Variants in CSMD3 observed in about 807,000 individuals in gnomAD.
CSMD3 encodes the protein CUB and sushi domain-containing protein 3.
A neutral mutation model predicts 435.2 loss-of-function variants in CSMD3; 177 were observed. That is an observed-to-expected ratio of 0.41 (90% CI 0.36 to 0.46). The LOEUF (loss-of-function observed/expected upper bound fraction) is 0.46, where lower values mean the gene tolerates loss of function less well. Among genes scored for constraint, CSMD3 ranks in the 20% least tolerant of loss-of-function variants. The probability of loss-of-function intolerance (pLI) is 0.34; values close to 1 mark genes in which losing one functional copy is unlikely to be tolerated. For synonymous variants in CSMD3, 1,656 were observed against 1,520.5 expected, an observed-to-expected ratio of 1.09 and a Z score of -2.07; for missense variants, 4,265 against 4,504.6, an observed-to-expected ratio of 0.95 and a Z score of 1.52.
intron 32 of CSMD3, among the ~76,000 whole-genome samples, chr8:112,409,680 A>G (rs1283962123): frequency 6.6e-6 from 1 of 152,012 alleles, no homozygotes; most frequent in East Asian, 1.9e-4. Context: ...TTGCTCTTCC[A>G]TGGTAAGTAC....
At chr8:113,383,791 T>A (rs931628175) in intron 1 of CSMD3, among the ~76,000 whole-genome samples, 1 of 152,186 alleles carries the variant, frequency 6.6e-6, no homozygotes, top group African/African-American at 2.4e-5. Context: ...CTCCTGTGTT[T>A]TATTATCAGT....
In CSMD3 at chr8:113,269,793, A is replaced by G. The variant is rs1001584369; in HGVS notation, c.514+8799T>C. 1.1e-4 allele frequency among the ~76,000 whole-genome samples: 17 copies of G among 152,192 alleles called. 1 individual carries two copies. In the East Asian group the frequency reaches 2.5e-3, roughly 22 times the overall value. Reference sequence around the variant, plus strand: ...AGCTGAAACTGGATCCCTTCCTTACACCTTATACAAAAATTAATTCAATAT... The same window carrying G: ...AGCTGAAACTGGATCCCTTCCTTACGCCTTATACAAAAATTAATTCAATAT... On this transcript the variant is annotated intron_variant, in intron 3 of 70. Coordinates refer to ENST00000297405, the MANE Select transcript of CSMD3 (RefSeq NM_198123.2).
chr8:112,489,853 T>C (rs760137158), intron 31 of CSMD3, among the ~76,000 whole-genome samples: 6 of 152,198 alleles, frequency 3.9e-5, no homozygotes, highest in Non-Finnish European at 8.8e-5. Context: ...TTCCATAATA[T>C]CATGTCCATT....
intron 13 of CSMD3, among the ~76,000 whole-genome samples, chr8:112,718,079 T>TA (rs1398880216): frequency 1.3e-5 from 2 of 151,886 alleles, no homozygotes; most frequent in African/African-American, 2.4e-5. Context: ...TAAAGTAAAA[T>TA]AAAAAATAAT....
intron 32 of CSMD3, among the ~76,000 whole-genome samples, chr8:112,410,628 G>GTATATATATGTATATATATATGTA (rs1832289933): frequency 1.4e-5 from 1 of 69,954 alleles, no homozygotes; most frequent in African/African-American, 4.6e-5. Flanking sequence ...ATATATATGT[G>GTATATATATGTATATATATATGTA]TATATATATG....
intron 13 of CSMD3, among the ~76,000 whole-genome samples, chr8:112,798,957 A>G (rs1301761959): frequency 6.6e-6 from 1 of 151,808 alleles, no homozygotes; most frequent in Non-Finnish European, 1.5e-5. Context: ...AATATTTCCA[A>G]GTAACAAATG....
At chr8:112,922,267 G>A (rs2082767194) in intron 9 of CSMD3, among the ~76,000 whole-genome samples, 3 of 151,804 alleles carry the variant, frequency 2.0e-5, no homozygotes, top group South Asian at 4.2e-4. Flanking sequence ...ATATATTTAT[G>A]GGGTACCTAA....
At chr8:112,437,900 C>T (rs117480842) in intron 32 of CSMD3, among the ~76,000 whole-genome samples, 3,097 of 152,116 alleles carry the variant, frequency 0.02, 50 homozygotes, top group Non-Finnish European at 0.031. Flanking sequence ...CTCTCCTTTC[C>T]CTCCCACTTT....
chr8:112,818,430 T>A (rs1453963004), intron 12 of CSMD3, among the ~76,000 whole-genome samples: 20 of 152,146 alleles, frequency 1.3e-4, no homozygotes. Context: ...TGTAAAATAA[T>A]TTTGGTGCCA....
chr8:112,586,025 A>G (rs887763557), intron 23 of CSMD3, among the ~76,000 whole-genome samples: 1 of 151,662 alleles, frequency 6.6e-6, no homozygotes, highest in African/African-American at 2.4e-5. Context: ...ATCCTAGATT[A>G]ATGTTGAAAT....
chr8:113,392,955 A>ATG (rs763746052), intron 1 of CSMD3, among the ~76,000 whole-genome samples: 2 of 144,714 alleles, frequency 1.4e-5, no homozygotes, highest in African/African-American at 2.5e-5. Flanking sequence ...ATATATATAT[A>ATG]TATGTGTGTG....
intron 22 of CSMD3, among the ~76,000 whole-genome samples, chr8:112,620,830 T>C (rs1834011798): frequency 6.6e-6 from 1 of 152,192 alleles, no homozygotes; most frequent in South Asian, 2.1e-4. Context: ...ATTTCTCCAA[T>C]TTGAGGATTG....
intron 3 of CSMD3, among the ~76,000 whole-genome samples, chr8:113,234,944 AC>A (rs1473450789): frequency 6.6e-6 from 1 of 152,052 alleles, no homozygotes; most frequent in Admixed American, 6.6e-5. Context: ...CGACCATGCC[AC>A]CAGCCAGGTG....
chr8:112,321,913 C>T (rs1347251311), intron 45 of CSMD3, among the ~76,000 whole-genome samples: 2 of 151,280 alleles, frequency 1.3e-5, no homozygotes, highest in Non-Finnish European at 2.9e-5. Flanking sequence ...GGAATTTTGA[C>T]AATTGTTTTC....
chr8:112,507,883 C>T (rs943337028), intron 28 of CSMD3, among the ~76,000 whole-genome samples: 2 of 152,080 alleles, frequency 1.3e-5, no homozygotes, highest in African/African-American at 4.8e-5. Flanking sequence ...ATTGTCTCAG[C>T]TCTTACTGCA....
At chr8:113,244,332 T>C (rs1375946164) in intron 3 of CSMD3, among the ~76,000 whole-genome samples, 1 of 152,206 alleles carries the variant, frequency 6.6e-6, no homozygotes, top group African/African-American at 2.4e-5. Flanking sequence ...TTTGTTTTGT[T>C]TGAGACGGAG....
At chr8:113,033,853 A>G (rs2087228546) in intron 5 of CSMD3, among the ~76,000 whole-genome samples, 1 of 151,400 alleles carries the variant, frequency 6.6e-6, no homozygotes, top group Non-Finnish European at 1.5e-5. Context: ...TGAGGGAGGT[A>G]CCTGGTGGGA....
At position 112,636,974 on chromosome 8, in the gene CSMD3, G is replaced by T. The variant is rs1333759646; in HGVS notation, c.3558C>A (p.Gly1186=). The change falls in exon 22 of 71, where the codon GGC becomes GGA. Residue 1186 remains glycine (G), a synonymous_variant. Coordinates refer to ENST00000297405, the MANE Select transcript of CSMD3 (RefSeq NM_198123.2). The part of the protein sequence containing the change: ...EYNLEPCEDP[G]IPQYGSRIGF... ...CGATTCGACTACCATATTGAGGAAT[G>T]CCAGGATCTTCACAAGGTTCAAGGT... The T allele has an allele frequency of 6.2e-7, 1 of 1,613,650 alleles. No individual in the cohort carries two copies. Among genetic ancestry groups the T allele is most frequent in the Non-Finnish European group, 8.5e-7 (1 of 1,179,746 alleles).
intron 5 of CSMD3, among the ~76,000 whole-genome samples, chr8:113,050,400 A>G (rs1229858006): frequency 6.6e-6 from 1 of 152,206 alleles, no homozygotes; most frequent in East Asian, 1.9e-4. Context: ...AGCACATTCA[A>G]TTACCTACAG....
Sources: allele counts gnomAD v4.1 joint callset (sites outside exome capture counted in the v4.1 genomes callset), GRCh38; gene constraint gnomAD v4.1.1; transcripts MANE v1.5; gene names NCBI Gene and HGNC (gene_info 2026-07-23, HGNC 2026-07-21).